Variants in RAB3GAP1 observed in about 807,000 individuals in gnomAD.
RAB3GAP1 encodes the protein RAB3 GTPase activating protein catalytic subunit 1.
In RAB3GAP1, 86 loss-of-function variants were observed where a neutral mutation model predicts 130.7. The ratio of observed to expected loss-of-function variants is 0.66; its 90% CI spans 0.55 to 0.79. The LOEUF is 0.79. RAB3GAP1 is among the 30% of genes least tolerant of loss of function. The pLI is 0.00. For synonymous variants in RAB3GAP1, 367 were observed against 401.7 expected, an observed-to-expected ratio of 0.91 and a Z score of 1.03; for missense variants, 1,029 against 1,169.4, an observed-to-expected ratio of 0.88 and a Z score of 1.75.
intron 17 of RAB3GAP1, among the ~76,000 whole-genome samples, chr2:135,140,141 AC>A (rs1558796012): frequency 6.6e-6 from 1 of 152,046 alleles, no homozygotes. Flanking sequence ...TTATCCATTC[AC>A]CCGTTGATGG....
At chr2:135,098,211 G>A (rs1425395490) in intron 5 of RAB3GAP1, among the ~76,000 whole-genome samples, 1 of 151,982 alleles carries the variant, frequency 6.6e-6, no homozygotes, top group South Asian at 2.1e-4. Context: ...TTTTTTGGGG[G>A]TGGGGGTTGT....
chr2:135,128,494 C>T lies in RAB3GAP1; in HGVS notation c.974-1501C>T, dbSNP rs76314497. On this transcript the variant is annotated intron_variant, in intron 11 of 23. Transcript: ENST00000264158. ...CAGTAAATGGTTTCTGTTGTTTAAT[C>T]GTTGAATTACTACATATTATGTTTA... is the stretch of plus-strand genomic sequence containing the variant. Among the ~76,000 whole-genome samples the T allele has an allele frequency of 7.0e-3, 1,065 of 152,248 alleles. 12 individuals carry two copies. Among genetic ancestry groups the T allele is most frequent in the African/African-American group, 0.024 (998 of 41,526 alleles).
intron 5 of RAB3GAP1, among the ~76,000 whole-genome samples, chr2:135,107,627 A>G (rs1690666646): frequency 6.6e-6 from 1 of 152,176 alleles, no homozygotes; most frequent in African/African-American, 2.4e-5. Flanking sequence ...CCATTTTTTT[A>G]AAGAGGTCCT....
chr2:135,085,353 C>T (rs1287978675), intron 3 of RAB3GAP1, among the ~76,000 whole-genome samples: 2 of 151,954 alleles, frequency 1.3e-5, no homozygotes, highest in Non-Finnish European at 2.9e-5. Flanking sequence ...ATAGAGGTCA[C>T]TGTTACAGAT....
In RAB3GAP1 at chr2:135,086,690, T is replaced by C. The variant is rs574294173; in HGVS notation, c.151-4308T>C. Among the ~76,000 whole-genome samples, 5 of 141,726 alleles carry C rather than the reference T, an allele frequency of 3.5e-5. No homozygotes were observed. The East Asian group carries it at 1.0e-3, about 29-fold the overall frequency. 93.0% of individuals were successfully genotyped at this position (141,726 alleles called of 152,430 possible). ...TTTTTTTTTTTTTTTTTTTTTTCCT[T>C]AGAGATAGGGTCTTGCTTTGTCACC... On this transcript the variant is annotated intron_variant, in intron 3 of 23. Coordinates refer to ENST00000264158, the MANE Select transcript of RAB3GAP1 (RefSeq NM_012233.3).
intron 11 of RAB3GAP1, among the ~76,000 whole-genome samples, chr2:135,127,207 G>C (rs570067707): frequency 6.7e-6 from 1 of 149,182 alleles, no homozygotes; most frequent in African/African-American, 2.5e-5. Flanking sequence ...TTTTTTTCCG[G>C]ATGCTTTTAT....
intron 5 of RAB3GAP1, among the ~76,000 whole-genome samples, chr2:135,109,147 C>T (rs1340495740): frequency 7.2e-6 from 1 of 139,304 alleles, no homozygotes; most frequent in Non-Finnish European, 1.5e-5. Flanking sequence ...ATTTTATTGG[C>T]TACTTTGAGT....
chr2:135,090,951 A>G, intron 3 of RAB3GAP1, 47 bp from the exon 4 acceptor site: 1 of 1,522,552 alleles, frequency 6.6e-7, no homozygotes, highest in South Asian at 1.1e-5. Context: ...ATATAATGAT[A>G]GCTATTGATT....
At chr2:135,136,674 A>C (rs1691687395) in intron 17 of RAB3GAP1, 2 of 1,285,902 alleles carry the variant, frequency 1.6e-6, no homozygotes, top group Admixed American at 4.1e-5. Flanking sequence ...AGACTTATGG[A>C]TAGGTGCAAA....
At chr2:135,117,477 TCTTCTG>T (rs1691015710) in intron 7 of RAB3GAP1, among the ~76,000 whole-genome samples, 2 of 145,442 alleles carry the variant, frequency 1.4e-5, no homozygotes, top group African/African-American at 5.1e-5. Flanking sequence ...TGCTTCTGCT[TCTTCTG>T]CTTCTTCTTC....
At chr2:135,126,858 T>G (rs1691364234) in intron 11 of RAB3GAP1, among the ~76,000 whole-genome samples, 1 of 152,146 alleles carries the variant, frequency 6.6e-6, no homozygotes, top group South Asian at 2.1e-4. Flanking sequence ...AGCTTTATGT[T>G]TCTGATGCTT....
chr2:135,116,926 A>G (rs1005059912), intron 7 of RAB3GAP1, among the ~76,000 whole-genome samples: 4 of 152,332 alleles, frequency 2.6e-5, no homozygotes, highest in African/African-American at 9.6e-5. Context: ...AATAGATAAC[A>G]TTTGTTAGAA....
At chr2:135,093,055 T>C (rs2104878542) in intron 4 of RAB3GAP1, among the ~76,000 whole-genome samples, 1 of 152,358 alleles carries the variant, frequency 6.6e-6, no homozygotes, top group Admixed American at 6.5e-5. Flanking sequence ...CAACAAAAAT[T>C]ATTTTTGTGA....
intron 23 of RAB3GAP1, among the ~76,000 whole-genome samples, chr2:135,165,524 A>G (rs577981772): frequency 6.6e-6 from 1 of 152,340 alleles, no homozygotes; most frequent in South Asian, 2.1e-4. Context: ...ATCCCTGTAG[A>G]GTTGGTCTGG....
Position 135,091,119 on chromosome 2 carries a change from A to C in RAB3GAP1, c.272A>C (p.Glu91Ala). The change falls in exon 4 of 24, where the codon GAG (glutamate) becomes GCG (alanine). Residue 91 changes from glutamate to alanine, a missense_variant. This residue lies in a region of RAB3GAP1 where 510 missense variants were observed against 532.1 expected (regional missense o/e 0.96). Transcript: ENST00000264158. ...QESTDKEGKDELLEDVVPQSM... is the reference protein window; with the variant it reads ...QESTDKEGKDALLEDVVPQSM... ...TCCACTGATAAAGAAGGAAAGGATGAGTTATTAGAGGGTAAGTTATTTCTA... is the reference window on the plus strand; with the variant it reads ...TCCACTGATAAAGAAGGAAAGGATGCGTTATTAGAGGGTAAGTTATTTCTA... 1.3e-6 allele frequency: 2 copies of C among 1,589,162 alleles called. No individual in the cohort carries two copies. The highest frequency in any genetic ancestry group is 1.7e-6 in the Non-Finnish European group (2 of 1,157,740).
At chr2:135,174,184 C>A (rs1241183765), downstream of RAB3GAP1, among the ~76,000 whole-genome samples, 1 of 152,206 alleles carries the variant, frequency 6.6e-6, no homozygotes, top group African/African-American at 2.4e-5. Context: ...TTGCAGGGAG[C>A]GTTCTTGGCC....
At chr2:135,122,382 T>C (rs1425305467) in intron 8 of RAB3GAP1, among the ~76,000 whole-genome samples, 7 of 152,156 alleles carry the variant, frequency 4.6e-5, no homozygotes, top group African/African-American at 1.7e-4. Context: ...TTTTTTTTCC[T>C]TCCAAGGCTA....
At chr2:135,176,264 G>T (rs1336955061) in exon 25 of RAB3GAP1, 1 of 152,154 alleles carries the variant, frequency 6.6e-6, no homozygotes, top group East Asian at 1.9e-4. Flanking sequence ...CTAACCAAAG[G>T]AAAGGAAATC....
intron 3 of RAB3GAP1, among the ~76,000 whole-genome samples, chr2:135,068,197 A>G (rs1183290214): frequency 6.6e-6 from 1 of 152,222 alleles, no homozygotes; most frequent in East Asian, 1.9e-4. Context: ...GGAAAGCTTT[A>G]TGTAATATAT....
Sources: allele counts gnomAD v4.1 joint callset (sites outside exome capture counted in the v4.1 genomes callset), GRCh38; gene constraint gnomAD v4.1.1; regional missense constraint gnomAD v4.1.1; transcripts MANE v1.5; gene names NCBI Gene and HGNC (gene_info 2026-07-23, HGNC 2026-07-21).